MS4A13: variants seen among roughly 807,000 people sequenced by gnomAD.
The protein encoded by MS4A13 is membrane spanning 4-domains A13, also known as membrane-spanning 4-domains subfamily A member 13.
Under a neutral mutation model 18.4 loss-of-function variants are expected in MS4A13, and 21 were observed. That is an observed-to-expected ratio of 1.14 (90% CI 0.81 to 1.64). The LOEUF (loss-of-function observed/expected upper bound fraction) is 1.64. Among genes scored for constraint, MS4A13 ranks in the 40% most tolerant of loss-of-function variants. MS4A13 has a pLI of 0.00. For synonymous variants in MS4A13, 62 were observed against 57.2 expected, an observed-to-expected ratio of 1.08 and a Z score of -0.38; for missense variants, 173 against 176.8, an observed-to-expected ratio of 0.98 and a Z score of 0.12.
intron 6 of MS4A13, among the ~76,000 whole-genome samples, chr11:60,530,726 C>A (rs1367738828): frequency 6.6e-6 from 1 of 152,178 alleles, no homozygotes; most frequent in African/African-American, 2.4e-5. Context: ...CCACCCAAAT[C>A]TCATCTTGAA....
At chr11:60,529,798 G>C (rs2135261085) in intron 6 of MS4A13, among the ~76,000 whole-genome samples, 1 of 152,120 alleles carries the variant, frequency 6.6e-6, no homozygotes, top group South Asian at 2.1e-4. Flanking sequence ...ACATTATTTT[G>C]TCACATTCAT....
intron 6 of MS4A13, 132 bp downstream of exon 6, chr11:60,529,592 T>C: frequency 2.3e-6 from 1 of 429,634 alleles, no homozygotes; most frequent in Admixed American, 4.5e-5. Context: ...ATTGCCTTTA[T>C]TTTTTATTTT....
At chr11:60,542,738 T>C (rs1464413338), downstream of MS4A13, 4 of 472,276 alleles carry the variant, frequency 8.5e-6, no homozygotes, top group Non-Finnish European at 1.5e-5. Context: ...TGCTTATATT[T>C]TTCTAGGCTG....
chr11:60,525,418 C>T (rs1000525222), intron 5 of MS4A13, 92 bp downstream of exon 5: 13 of 806,408 alleles, frequency 1.6e-5, no homozygotes, highest in South Asian at 8.4e-5. Context: ...GGCTTTTATT[C>T]GTCCTCATGA....
At position 60,522,750 on chromosome 11, in the gene MS4A13, GTGATAAA is replaced by G. The variant is rs765364360; in HGVS notation, c.130-1135_130-1129del. Among the ~76,000 whole-genome samples, 149 of 152,116 alleles carry G rather than the reference GTGATAAA, an allele frequency of 9.8e-4. 1 individual carries two copies. The highest frequency in any genetic ancestry group is 3.4e-3 in the Middle Eastern group (1 of 294). The stretch of plus-strand genomic sequence containing the variant: ...TCATAAATAATGCACTGGTTCATAG[GTGATAAA>G]TGATAAATGATGCACTGGGTCACAA... On this transcript the variant is annotated intron_variant, in intron 3 of 6. Transcript: ENST00000378186.
rs945324091 is a variant in MS4A13, at chr11:60,542,185, G to A, written c.403-334G>A. The stretch of plus-strand genomic sequence containing the variant: ...AAAAGAGAGAGAGAGAAAGAAAGAA[G>A]AAAGGGAAGAAAGGGAGGAAGGGAG... On this transcript the variant is annotated intron_variant, in intron 6 of 6. Transcript: ENST00000378186. Among the ~76,000 whole-genome samples the A allele has an allele frequency of 3.0e-5, 4 of 134,344 alleles. No homozygotes were observed. In the Admixed American group the frequency reaches 3.3e-4, roughly 11 times the overall value. The allele number at this position is 134,344 out of a possible 152,430, so 88.1% of individuals were successfully genotyped here.
Position 60,525,336 on chromosome 11 carries a change from C to T in MS4A13, c.306+10C>T. 2 of 1,550,086 alleles carry T rather than the reference C, an allele frequency of 1.3e-6. No individual in the cohort carries two copies. Among genetic ancestry groups the T allele is most frequent in the African/African-American group, 1.4e-5 (1 of 72,608 alleles). On this transcript the variant is annotated intron_variant, in intron 5 of 6. Transcript: ENST00000378186. ...GAATTATGGACAAGCAGTAAGTGACCAATTCTATGGGAACATATTAATTTT... is the reference window on the plus strand; with the variant it reads ...GAATTATGGACAAGCAGTAAGTGACTAATTCTATGGGAACATATTAATTTT...
chr11:60,527,633 C>T (rs2086728887), intron 5 of MS4A13, among the ~76,000 whole-genome samples: 2 of 151,934 alleles, frequency 1.3e-5, no homozygotes, highest in Non-Finnish European at 2.9e-5. Flanking sequence ...ATCAGATGTT[C>T]GAGACCAGCC....
intron 6 of MS4A13, among the ~76,000 whole-genome samples, chr11:60,539,163 T>A: frequency 7.8e-6 from 1 of 127,770 alleles, no homozygotes; most frequent in Non-Finnish European, 1.6e-5. Context: ...CTTGCAGAAC[T>A]ATGAGTTAAT....
chr11:60,519,356 G>C (rs931155934), intron 3 of MS4A13, among the ~76,000 whole-genome samples: 8 of 151,834 alleles, frequency 5.3e-5, no homozygotes, highest in Admixed American at 3.3e-4. Flanking sequence ...AGAAGGGAAA[G>C]GCAGAGAAAG....
chr11:60,542,890 A>T (rs1176261490), downstream of MS4A13, among the ~76,000 whole-genome samples: 4 of 152,148 alleles, frequency 2.6e-5, no homozygotes, highest in African/African-American at 9.7e-5. Context: ...TCTAGAGTGA[A>T]GGCTATAAAG....
intron 3 of MS4A13, among the ~76,000 whole-genome samples, chr11:60,521,447 G>T (rs565426597): frequency 2.8e-4 from 43 of 152,248 alleles, no homozygotes; most frequent in African/African-American, 1.0e-3. Context: ...AAGGTTTGCT[G>T]CTTAGATCAT....
intron 5 of MS4A13, among the ~76,000 whole-genome samples, chr11:60,527,398 CTCTCTCTCTCTCTGTGTG>C (rs2086724196): frequency 9.6e-5 from 9 of 93,290 alleles, no homozygotes; most frequent in Non-Finnish European, 1.7e-4. Context: ...CTCTCTCTCT[CTCTCTCTCTCTCTGTGTG>C]TGTGTGTGTG....
intron 6 of MS4A13, among the ~76,000 whole-genome samples, chr11:60,538,176 A>AT (rs1325259372): frequency 7.0e-5 from 10 of 143,778 alleles, no homozygotes; most frequent in East Asian, 4.1e-4. Context: ...TTAAAGTATA[A>AT]TAAAAAAAAA....
At chr11:60,539,530 G>A (rs540287803) in intron 6 of MS4A13, among the ~76,000 whole-genome samples, 6 of 152,002 alleles carry the variant, frequency 3.9e-5, no homozygotes, top group African/African-American at 1.4e-4. Flanking sequence ...CATAAAAATG[G>A]GGAGTACCAG....
chr11:60,540,848 G>A (rs1371863426), intron 6 of MS4A13, among the ~76,000 whole-genome samples: 1 of 151,860 alleles, frequency 6.6e-6, no homozygotes, highest in East Asian at 1.9e-4. Flanking sequence ...CAGCTACTTA[G>A]GCAGCTGAGG....
rs1555023685 is a variant in MS4A13 at position 60,522,239 on chromosome 11, G to GATGTGTATATATATATATATCTATAT, written c.130-1654_130-1653insGTATATATATATATATCTATATATGT. 4.3e-4 allele frequency among the ~76,000 whole-genome samples: 58 copies of GATGTGTATATATATATATATCTATAT among 133,888 alleles called. 2 individuals carry two copies. The highest frequency in any genetic ancestry group is 1.4e-3 in the African/African-American group (51 of 35,326). The allele number at this position is 133,888 out of a possible 152,430, so 87.8% of individuals were successfully genotyped here. On this transcript the variant is annotated intron_variant, in intron 3 of 6. Transcript: ENST00000378186. The stretch of plus-strand genomic sequence containing the variant: ...AGATAGATAGATAGATAGATAGATA[G>GATGTGTATATATATATATATCTATAT]ATGTATATATATAGATATATACACA...
intron 5 of MS4A13, among the ~76,000 whole-genome samples, chr11:60,526,851 G>A (rs1395178673): frequency 1.3e-5 from 2 of 152,134 alleles, no homozygotes; most frequent in Non-Finnish European, 2.9e-5. Context: ...GGATCAGAGT[G>A]CACTTATTTA....
chr11:60,542,533 T>C lies in MS4A13; in HGVS notation c.417T>C (p.Asn139=), dbSNP rs1382284673. 1 of 1,610,074 alleles carries C rather than the reference T, an allele frequency of 6.2e-7. No individual in the cohort carries two copies. The highest frequency in any genetic ancestry group is 1.3e-5 in the African/African-American group (1 of 74,772). Residue 139 remains asparagine (N), a synonymous_variant, in exon 7 of 7, where the codon AAT becomes AAC. Coordinates refer to ENST00000378186, the MANE Select transcript of MS4A13 (RefSeq NM_001012417.3). ...YSCSNLFRRQ[N]DLTSVTEEAE... Reference sequence around the variant, plus strand: ...TTTTTTTCCAGTTTCGAAGACAAAATGATCTTACATCTGTTACTGAGGAAG... The same window carrying C: ...TTTTTTTCCAGTTTCGAAGACAAAACGATCTTACATCTGTTACTGAGGAAG...
Sources: gnomAD v4.1 joint callset for allele counts (sites outside exome capture counted in the v4.1 genomes callset) on GRCh38, gnomAD v4.1.1 for gene constraint, MANE v1.5 for transcripts, NCBI Gene and HGNC (gene_info 2026-07-23, HGNC 2026-07-21) for gene names.